The following ACAD10 variants were observed in gnomAD, a reference collection of about 807,000 sequenced individuals.
ACAD10 encodes ACAD-10.
A neutral mutation model predicts 116.8 loss-of-function variants in ACAD10; 112 were observed. The ratio of observed to expected loss-of-function variants is 0.96; its 90% confidence interval spans 0.82 to 1.12. ACAD10 has a LOEUF of 1.12. Ranked by LOEUF, ACAD10 falls within the 50% of genes most tolerant of loss-of-function variation. ACAD10 has a pLI of 0.00. For missense variants in ACAD10, 1,259 were observed against 1,350.2 expected, an observed-to-expected ratio of 0.93 and a Z score of 1.06; for synonymous variants, 486 against 510.6, an observed-to-expected ratio of 0.95 and a Z score of 0.65.
intron 7 of ACAD10, among the ~76,000 whole-genome samples, chr12:111,717,238 GT>G (rs1479410685): frequency 2.6e-5 from 4 of 151,556 alleles, no homozygotes; most frequent in Non-Finnish European, 5.9e-5. Context: ...TGGACCTGTA[GT>G]CCCAGTTACA....
Position 111,747,065 on chromosome 12 carries a change from C to T in ACAD10, c.2273C>T (p.Ala758Val), listed in dbSNP as rs545041174. 35 of 1,606,874 alleles carry T rather than the reference C, an allele frequency of 2.2e-5. No individual in the cohort carries two copies. The South Asian group carries it at 2.8e-4, about 13-fold the overall frequency. Residue 758 changes from alanine (A) to valine (V), a missense_variant, in exon 15 of 21, where the codon GCG (alanine) becomes GTG (valine). Ala to Val is a moderately conservative substitution (Grantham distance 64). Transcript: ENST00000313698. Reference protein sequence around the residue: ...LYAPEVCNCSAPDTGNMELLV... With the variant: ...LYAPEVCNCSVPDTGNMELLV... ...CCTTCTCAGGTATGTAACTGCTCTG[C>T]GCCTGACACGGGCAACATGGAGCTG...
intron 7 of ACAD10, among the ~76,000 whole-genome samples, chr12:111,717,266 G>C (rs1888870855): frequency 6.6e-6 from 1 of 150,850 alleles, no homozygotes; most frequent in African/African-American, 2.4e-5. Context: ...GCTGAGGCTG[G>C]AGAATCACTT....
chr12:111,718,317 G>A (rs1417255817), intron 7 of ACAD10, among the ~76,000 whole-genome samples: 1 of 152,084 alleles, frequency 6.6e-6, no homozygotes, highest in Admixed American at 6.5e-5. Context: ...CCAAAGTGCT[G>A]GGATTACAGG....
rs1223435370 is a variant in ACAD10, at chr12:111,744,695, G to A, written c.1767G>A (p.Val589=). The A allele has an allele frequency of 1.9e-6, 3 of 1,614,238 alleles. No homozygotes were observed. The highest frequency in any genetic ancestry group is 2.5e-6 in the Non-Finnish European group (3 of 1,180,044). ...AAACTGGAAAGCTGACCGAATTTGT[G>A]TCTAACCTGGCGTGGGATTTCGCAG... The part of the protein sequence containing the change: ...AEQTGKLTEF[V]SNLAWDFAVK... The change falls in exon 13 of 21, where the codon GTG becomes GTA. Residue 589 remains valine, a synonymous_variant. Transcript: ENST00000313698.
At chr12:111,696,695 A>C (rs1269063015) in intron 2 of ACAD10, among the ~76,000 whole-genome samples, 2 of 152,212 alleles carry the variant, frequency 1.3e-5, no homozygotes, top group Non-Finnish European at 2.9e-5. Flanking sequence ...CAAAGAATTC[A>C]AAGTATAGCC....
chr12:111,703,440 A>G (rs1279420765), intron 3 of ACAD10, among the ~76,000 whole-genome samples: 3 of 152,214 alleles, frequency 2.0e-5, no homozygotes, highest in African/African-American at 7.2e-5. Flanking sequence ...CAATAGCTCT[A>G]CTAAAATATA....
intron 7 of ACAD10, among the ~76,000 whole-genome samples, chr12:111,717,346 C>CA (rs779938001): frequency 0.27 from 20,391 of 76,322 alleles, 1,869 homozygotes; most frequent in Middle Eastern, 0.4. Context: ...GACCCTGTCT[C>CA]AAAAAAAAAA....
chr12:111,700,306 G>T (rs1230095125), intron 2 of ACAD10, among the ~76,000 whole-genome samples: 1 of 152,312 alleles, frequency 6.6e-6, no homozygotes, highest in East Asian at 1.9e-4. Context: ...CATAATTGAT[G>T]TAATAAACAC....
chr12:111,738,209 C>T (rs1454483560), intron 12 of ACAD10, among the ~76,000 whole-genome samples: 2 of 152,096 alleles, frequency 1.3e-5, no homozygotes, highest in Admixed American at 6.6e-5. Context: ...CTTCCTTGCT[C>T]GCTAGTATGA....
At position 111,702,206 on chromosome 12, in the gene ACAD10, G is replaced by A. The variant is rs1161948251; in HGVS notation, c.232G>A (p.Ala78Thr). 1 of 1,614,112 alleles carries A rather than the reference G, an allele frequency of 6.2e-7. No individual in the cohort carries two copies. The highest frequency in any genetic ancestry group is 2.2e-5 in the East Asian group (1 of 44,882). The change falls in exon 3 of 21, where the codon GCC becomes ACC. Residue 78 changes from alanine (A) to threonine (T), a missense_variant. Physicochemically the swap from Ala to Thr is moderately conservative, Grantham distance 58. Transcript: ENST00000313698. ...TATCCCTTCTGGAACTATATTAAAG[G>A]CCTTGATGGAAGGTGGTGAAAATGG... is the stretch of plus-strand genomic sequence containing the variant. The part of the protein sequence containing the change: ...NRIPSGTILK[A>T]LMEGGENGPW...
rs1244878604 is a variant in ACAD10, at chr12:111,744,858, C to G, written c.1930C>G (p.Pro644Ala). Residue 644 changes from proline (P) to alanine (A), a missense_variant, in exon 13 of 21, where the codon CCA (proline) becomes GCA (alanine). Transcript: ENST00000313698. Reference protein sequence around the residue: ...RSYSSVPEASPAHTSRGGLVI... With the variant: ...RSYSSVPEASAAHTSRGGLVI... ...TTATAGCTCCGTTCCAGAAGCTTCC[C>G]CAGCTCATACCTCAAGGGGAGGTCT... The G allele has an allele frequency of 6.2e-7, 1 of 1,614,186 alleles. No homozygotes were observed. The highest frequency in any genetic ancestry group is 1.7e-5 in the Admixed American group (1 of 60,016).
chr12:111,735,581 A>G (rs898566819), intron 11 of ACAD10, among the ~76,000 whole-genome samples: 2 of 151,102 alleles, frequency 1.3e-5, no homozygotes, highest in Non-Finnish European at 3.0e-5. Context: ...TCAGCCTCCT[A>G]AGTAGCTGGG....
chr12:111,720,889 T>C (rs1488446212), intron 7 of ACAD10, among the ~76,000 whole-genome samples: 2 of 152,100 alleles, frequency 1.3e-5, no homozygotes, highest in African/African-American at 4.8e-5. Flanking sequence ...GTTCAAGTGA[T>C]TCTCATGCTT....
At chr12:111,689,934 C>T (rs1049562633) in intron 1 of ACAD10, among the ~76,000 whole-genome samples, 1 of 152,154 alleles carries the variant, frequency 6.6e-6, no homozygotes, top group Admixed American at 6.6e-5. Context: ...CCAGGATGGT[C>T]TCAATCTCCT....
In ACAD10 at chr12:111,718,036, C is replaced by CTTTTTTTTTTTTTTTTTTT. The variant is rs560344796; in HGVS notation, c.992+2087_992+2105dup. ...TATACGTAGGATCTATAGTGATATC[C>CTTTTTTTTTTTTTTTTTTT]TTTTTTTTTTTTTTTTTTTTTTTTT... is the stretch of plus-strand genomic sequence containing the variant. On this transcript the variant is annotated intron_variant, in intron 7 of 20. Coordinates refer to ENST00000313698, the MANE Select transcript of ACAD10 (RefSeq NM_025247.6). Among the ~76,000 whole-genome samples the CTTTTTTTTTTTTTTTTTTT allele has an allele frequency of 4.7e-5, 3 of 63,676 alleles. 1 individual carries two copies. Among genetic ancestry groups the CTTTTTTTTTTTTTTTTTTT allele is most frequent in the African/African-American group, 2.5e-4 (3 of 12,206 alleles). The allele number at this position is 63,676 out of a possible 152,430, so 41.8% of individuals were successfully genotyped here. A position where few individuals can be genotyped will look rare whatever the true frequency, so the allele number is the denominator to read the frequency against.
At chr12:111,735,169 A>G (rs976076475) in intron 11 of ACAD10, among the ~76,000 whole-genome samples, 2 of 151,154 alleles carry the variant, frequency 1.3e-5, no homozygotes, top group African/African-American at 4.9e-5. Context: ...GCTTGCAATG[A>G]GCTGAGATGG....
chr12:111,697,215 T>C (rs1232199578), intron 2 of ACAD10, among the ~76,000 whole-genome samples: 1 of 151,580 alleles, frequency 6.6e-6, no homozygotes, highest in Non-Finnish European at 1.5e-5. Context: ...CACTCCAGCC[T>C]GGGTGACAGA....
intron 11 of ACAD10, among the ~76,000 whole-genome samples, 156 bp from the exon 12 acceptor site, chr12:111,736,675 G>A (rs1397271393): frequency 3.9e-5 from 6 of 152,188 alleles, no homozygotes. Context: ...AGCCATCTAA[G>A]GGAGCAAGAG....
rs762394036 is a variant in ACAD10, at chr12:111,748,355, G to C, written c.2524G>C (p.Gly842Arg). Residue 842 changes from glycine to arginine, a missense_variant, in exon 17 of 21, where the codon GGA (glycine) becomes CGA (arginine). Transcript: ENST00000313698. ...TCGTTGCCAACTCTGTGTGTTTATGGGAAAAACAGACCCACATGCACCAAG... is the reference window on the plus strand; with the variant it reads ...TCGTTGCCAACTCTGTGTGTTTATGCGAAAAACAGACCCACATGCACCAAG... ...DPRCQLCVFM[G>R]KTDPHAPRHR... The C allele has an allele frequency of 1.7e-5, 27 of 1,613,988 alleles. No homozygotes were observed. Among genetic ancestry groups the C allele is most frequent in the Non-Finnish European group, 2.2e-5 (26 of 1,180,038 alleles).
Sources: gnomAD v4.1 joint callset for allele counts (sites outside exome capture counted in the v4.1 genomes callset) on GRCh38, gnomAD v4.1.1 for gene constraint, MANE v1.5 for transcripts, NCBI Gene and HGNC (gene_info 2026-07-23, HGNC 2026-07-21) for gene names.